The following SLC25A21 variants were observed in gnomAD, a reference collection of about 807,000 sequenced individuals.
SLC25A21 encodes the protein mitochondrial 2-oxodicarboxylate carrier.
A neutral mutation model predicts 43.8 loss-of-function variants in SLC25A21; 47 were observed. The ratio of observed to expected loss-of-function variants is 1.07; its 90% CI spans 0.85 to 1.37. The LOEUF (loss-of-function observed/expected upper bound fraction) is 1.37, where lower values mean the gene tolerates loss of function less well. SLC25A21 is among the 40% of genes most tolerant of loss of function. The probability of loss-of-function intolerance (pLI) is 0.00; values close to 1 mark genes in which losing one functional copy is unlikely to be tolerated. For missense variants in SLC25A21, 352 were observed against 350.2 expected, an observed-to-expected ratio of 1.00 and a Z score of -0.04; for synonymous variants, 131 against 121.3, an observed-to-expected ratio of 1.08 and a Z score of -0.52.
chr14:37,154,519 T>C (rs1963813556), intron 1 of SLC25A21, among the ~76,000 whole-genome samples: 1 of 152,050 alleles, frequency 6.6e-6, no homozygotes, highest in South Asian at 2.1e-4. Context: ...CCAGTAACAG[T>C]TCTTAATCAA....
At chr14:36,900,465 T>C (rs1428994831) in intron 1 of SLC25A21, among the ~76,000 whole-genome samples, 1 of 152,200 alleles carries the variant, frequency 6.6e-6, no homozygotes, top group African/African-American at 2.4e-5. Context: ...CAAATGACAC[T>C]TTTGCTGCTT....
intron 2 of SLC25A21, among the ~76,000 whole-genome samples, chr14:36,830,678 A>G (rs1215094731): frequency 3.3e-5 from 5 of 152,152 alleles, no homozygotes; most frequent in African/African-American, 9.7e-5. Context: ...GAGTATCAAG[A>G]TATTTATTTT....
At chr14:36,783,013 TA>T (rs1054509805) in intron 3 of SLC25A21, among the ~76,000 whole-genome samples, 9 of 145,848 alleles carry the variant, frequency 6.2e-5, no homozygotes, top group East Asian at 2.0e-4. Flanking sequence ...AAATAAAAAA[TA>T]AAAAAAAAAG....
intron 2 of SLC25A21, among the ~76,000 whole-genome samples, chr14:36,856,613 A>G (rs908124760): frequency 6.6e-6 from 1 of 152,154 alleles, no homozygotes; most frequent in African/African-American, 2.4e-5. Flanking sequence ...CCCTGGAGAG[A>G]AGCTAGTTAG....
intron 1 of SLC25A21, among the ~76,000 whole-genome samples, chr14:36,894,546 G>A (rs1467875338): frequency 5.3e-5 from 8 of 151,858 alleles, no homozygotes; most frequent in East Asian, 1.9e-4. Context: ...TCTCCTGCCT[G>A]ATTGCCCTGG....
At chr14:36,836,767 G>C (rs891089934) in intron 2 of SLC25A21, among the ~76,000 whole-genome samples, 10 of 152,206 alleles carry the variant, frequency 6.6e-5, no homozygotes, top group Non-Finnish European at 1.5e-4. Context: ...GTTAAGAAAA[G>C]GGAAGAAAGG....
intron 3 of SLC25A21, among the ~76,000 whole-genome samples, chr14:36,756,648 C>A (rs928079668): frequency 2.6e-5 from 4 of 152,164 alleles, no homozygotes; most frequent in Non-Finnish European, 4.4e-5. Flanking sequence ...GAAGCTTGGG[C>A]AATTTCTGAG....
chr14:36,946,920 AGTCT>A, intron 1 of SLC25A21, among the ~76,000 whole-genome samples: 1 of 152,174 alleles, frequency 6.6e-6, no homozygotes, highest in South Asian at 2.1e-4. Flanking sequence ...GTATTTTTTC[AGTCT>A]GTCTTGTAGC....
At chr14:36,912,982 T>C (rs1243477330) in intron 1 of SLC25A21, among the ~76,000 whole-genome samples, 1 of 152,214 alleles carries the variant, frequency 6.6e-6, no homozygotes, top group Non-Finnish European at 1.5e-5. Flanking sequence ...CTTTCTCCTT[T>C]TTTTTTCCCA....
intron 1 of SLC25A21, among the ~76,000 whole-genome samples, chr14:36,985,637 A>G (rs983031763): frequency 2.6e-4 from 40 of 152,204 alleles, no homozygotes; most frequent in African/African-American, 9.2e-4. Context: ...TCAGGGCAAC[A>G]TATCAGGAGG....
chr14:36,835,241 T>C (rs556167695), intron 2 of SLC25A21, among the ~76,000 whole-genome samples: 14 of 152,346 alleles, frequency 9.2e-5, no homozygotes, highest in Admixed American at 5.2e-4. Flanking sequence ...GCCAAGGGAT[T>C]AGCAAGGAAA....
At chr14:37,022,956 C>T (rs1217879792) in intron 1 of SLC25A21, among the ~76,000 whole-genome samples, 4 of 151,970 alleles carry the variant, frequency 2.6e-5, no homozygotes, top group African/African-American at 9.7e-5. Context: ...AGGAGATAAC[C>T]TAAGAAAACT....
intron 1 of SLC25A21, among the ~76,000 whole-genome samples, chr14:37,081,618 T>C (rs913620476): frequency 1.3e-5 from 2 of 152,214 alleles, no homozygotes; most frequent in Admixed American, 6.5e-5. Context: ...CCCAAAACCA[T>C]TATTGGCTTA....
At chr14:37,043,993 A>C (rs1260353577) in intron 1 of SLC25A21, among the ~76,000 whole-genome samples, 1 of 141,096 alleles carries the variant, frequency 7.1e-6, no homozygotes, top group Non-Finnish European at 1.5e-5. Context: ...TATATTGACC[A>C]GGCTGATCTC....
At chr14:37,010,504 G>A (rs1009946752) in intron 1 of SLC25A21, among the ~76,000 whole-genome samples, 3 of 152,116 alleles carry the variant, frequency 2.0e-5, no homozygotes, top group Non-Finnish European at 4.4e-5. Context: ...CAGCAGGCTG[G>A]TGCTAAACTG....
intron 7 of SLC25A21, among the ~76,000 whole-genome samples, chr14:36,708,744 GTTTTTTT>G (rs58837881): frequency 2.8e-5 from 3 of 108,448 alleles, no homozygotes; most frequent in South Asian, 3.2e-4. Context: ...GCTAACGTTA[GTTTTTTT>G]TTTTTTTTTT....
At chr14:36,950,467 T>C (rs530960327) in intron 1 of SLC25A21, among the ~76,000 whole-genome samples, 9 of 152,174 alleles carry the variant, frequency 5.9e-5, no homozygotes, top group African/African-American at 2.4e-5. Context: ...AGCAAGAAAG[T>C]TGCCATCTGC....
chr14:37,171,112 GGGGGA>G (rs1204971184), intron 1 of SLC25A21, among the ~76,000 whole-genome samples: 12,616 of 93,428 alleles, frequency 0.14, 1,856 homozygotes, highest in Non-Finnish European at 0.18. Flanking sequence ...AAAGAAAAAG[GGGGGA>G]GGGGAGGGGA....
chr14:37,156,717 A>G (rs879280928), intron 1 of SLC25A21, among the ~76,000 whole-genome samples: 2 of 151,176 alleles, frequency 1.3e-5, no homozygotes, highest in Admixed American at 1.3e-4. Flanking sequence ...GGAACAATCC[A>G]ACAAGAGGAT....
Sources: gnomAD v4.1 joint callset for allele counts (sites outside exome capture counted in the v4.1 genomes callset) on GRCh38, gnomAD v4.1.1 for gene constraint, MANE v1.5 for transcripts, NCBI Gene and HGNC (gene_info 2026-07-23, HGNC 2026-07-21) for gene names.